Variants in SORT1 observed in about 807,000 individuals in gnomAD.
SORT1 encodes sortilin 1.
SORT1 carries 39 observed loss-of-function variants against 101.7 expected under a neutral mutation model. That is an observed-to-expected ratio of 0.38 (90% CI 0.30 to 0.50). The LOEUF is 0.50. SORT1 is among the 20% of genes least tolerant of loss of function. The probability of loss-of-function intolerance (pLI) is 0.90; values close to 1 mark genes in which losing one functional copy is unlikely to be tolerated. For synonymous variants in SORT1, 396 were observed against 393.7 expected (o/e 1.01, Z -0.07); for missense variants, 878 against 1,040.4 (o/e 0.84, Z 2.15).
chr1:109,326,516 CAT>C (rs1648073286), intron 13 of SORT1, among the ~76,000 whole-genome samples: 3 of 63,196 alleles, frequency 4.7e-5, no homozygotes, highest in African/African-American at 1.8e-4. Context: ...CACACATACA[CAT>C]ATATATACAC....
At chr1:109,391,779 T>C (rs953491469) in intron 1 of SORT1, among the ~76,000 whole-genome samples, 2 of 152,200 alleles carry the variant, frequency 1.3e-5, no homozygotes, top group African/African-American at 4.8e-5. Flanking sequence ...CTGACTGAAA[T>C]TGATCAGCTT....
At position 109,340,760 on chromosome 1, in the gene SORT1, G is replaced by A. The variant is rs564227982; in HGVS notation, c.1228C>T (p.Leu410Phe). The A allele has an allele frequency of 2.5e-6, 4 of 1,614,126 alleles. 1 individual carries two copies. In the South Asian group the frequency reaches 3.3e-5, roughly 13 times the overall value. ...ACGCTTGTTATGTAGACGCCGCGGA[G>A]GGAGGTCACGTTGGTAAAGTCCGTC... ...GETDFTNVTS[L>F]RGVYITSVLS... The change falls in exon 10 of 20, where the codon CTC (leucine) becomes TTC (phenylalanine). Residue 410 changes from leucine (L) to phenylalanine (F), a missense_variant. Coordinates refer to ENST00000256637, the MANE Select transcript of SORT1 (RefSeq NM_002959.7).
chr1:109,348,890 G>C (rs1649782693), intron 6 of SORT1, among the ~76,000 whole-genome samples: 1 of 152,042 alleles, frequency 6.6e-6, no homozygotes, highest in African/African-American at 2.4e-5. Context: ...GATCACTTGA[G>C]CCCAGGAGGC....
At chr1:109,316,996 A>G (rs765254817) in intron 16 of SORT1, 38 bp from the exon 17 acceptor site, 1 of 1,323,276 alleles carries the variant, frequency 7.6e-7, no homozygotes, top group Non-Finnish European at 1.1e-6. Flanking sequence ...GAAGATAAGG[A>G]TGTATTCCTG....
intron 19 of SORT1, 38 bp downstream of exon 19, chr1:109,314,220 TGGG>T: frequency 1.1e-5 from 15 of 1,313,856 alleles, no homozygotes; most frequent in Admixed American, 1.9e-5. Context: ...TTGTATTTTT[TGGG>T]GGGGGGGGTA....
intron 11 of SORT1, among the ~76,000 whole-genome samples, chr1:109,329,547 C>T (rs1648313576): frequency 6.6e-6 from 1 of 152,156 alleles, no homozygotes; most frequent in South Asian, 2.1e-4. Context: ...GCCACCATGT[C>T]CAGCCGGGGG....
intron 12 of SORT1, 66 bp from the exon 13 acceptor site, chr1:109,327,226 G>A (rs1033490381): frequency 1.3e-5 from 17 of 1,284,980 alleles, no homozygotes; most frequent in Middle Eastern, 2.0e-4. Context: ...TTACTCCAGA[G>A]AGAATAATGT....
At chr1:109,377,158 A>C (rs1015323627) in intron 1 of SORT1, among the ~76,000 whole-genome samples, 3 of 152,244 alleles carry the variant, frequency 2.0e-5, no homozygotes, top group Admixed American at 6.5e-5. Context: ...TTATATATAA[A>C]TGTAAACTAT....
intron 10 of SORT1, among the ~76,000 whole-genome samples, chr1:109,337,139 A>G (rs1648887204): frequency 6.6e-6 from 1 of 152,104 alleles, no homozygotes; most frequent in Non-Finnish European, 1.5e-5. Context: ...TCTTTCTTGT[A>G]CCTTTCTTTT....
At chr1:109,391,056 A>C (rs568854044) in intron 1 of SORT1, among the ~76,000 whole-genome samples, 2 of 152,270 alleles carry the variant, frequency 1.3e-5, no homozygotes, top group Admixed American at 1.3e-4. Flanking sequence ...GGAAAGGGAA[A>C]AAGAAAAATG....
chr1:109,356,246 T>G (rs1265322035), intron 3 of SORT1, among the ~76,000 whole-genome samples: 1 of 152,176 alleles, frequency 6.6e-6, no homozygotes, highest in Admixed American at 6.5e-5. Context: ...CCAGCGATGT[T>G]GCCAAACATC....
At chr1:109,324,099 G>T (rs569391329) in intron 14 of SORT1, among the ~76,000 whole-genome samples, 60 of 150,180 alleles carry the variant, frequency 4.0e-4, no homozygotes, top group South Asian at 1.1e-3. Context: ...TTAACTACAG[G>T]TCATCCTTTT....
At position 109,397,656 on chromosome 1, in the gene SORT1, C is replaced by T. The variant is rs1192123633; in HGVS notation, c.237G>A (p.Ala79=). The stretch of plus-strand genomic sequence containing the variant: ...GGCCGCACTCCTCGTCCTCGCCCGG[C>T]GCGCTGCGACGCCAACGGCCGCCGC... ...FPRGGRWRRS[A]PGEDEECGRV... Residue 79 remains alanine, a synonymous_variant, in exon 1 of 20, where the codon GCG becomes GCA. Coordinates refer to ENST00000256637, the MANE Select transcript of SORT1 (RefSeq NM_002959.7). 4 of 1,223,836 alleles carry T rather than the reference C, an allele frequency of 3.3e-6. No homozygotes were observed. In the African/African-American group the frequency reaches 4.9e-5, roughly 15 times the overall value. 75.8% of individuals were successfully genotyped at this position (1,223,836 alleles called of 1,614,324 possible). A position where few individuals can be genotyped will look rare whatever the true frequency, so the allele number is the denominator to read the frequency against.
At chr1:109,315,043 G>A (rs571412303) in intron 17 of SORT1, among the ~76,000 whole-genome samples, 1 of 152,218 alleles carries the variant, frequency 6.6e-6, no homozygotes, top group African/African-American at 2.4e-5. Context: ...TGGAAGCCTG[G>A]GCAACTGCCT....
chr1:109,346,019 T>C (rs1167934599), intron 7 of SORT1, 138 bp from the exon 8 acceptor site: 2 of 751,938 alleles, frequency 2.7e-6, no homozygotes, highest in African/African-American at 1.8e-5. Flanking sequence ...CAACATAAAA[T>C]GTGATACAGC....
intron 3 of SORT1, among the ~76,000 whole-genome samples, chr1:109,357,568 T>C (rs1650410047): frequency 6.6e-6 from 1 of 152,262 alleles, no homozygotes; most frequent in Non-Finnish European, 1.5e-5. Context: ...AACTTTTAAT[T>C]ATCTGTGAGG....
At chr1:109,382,298 G>C (rs183647994) in intron 1 of SORT1, among the ~76,000 whole-genome samples, 1 of 152,156 alleles carries the variant, frequency 6.6e-6, no homozygotes, top group Admixed American at 6.6e-5. Flanking sequence ...ACCATGCCTG[G>C]CTAATTTTTG....
At chr1:109,370,213 T>C (rs1557816423) in intron 1 of SORT1, among the ~76,000 whole-genome samples, 1 of 152,160 alleles carries the variant, frequency 6.6e-6, no homozygotes, top group Non-Finnish European at 1.5e-5. Context: ...GTATATTATA[T>C]CCAAAATATA....
intron 6 of SORT1, among the ~76,000 whole-genome samples, chr1:109,350,556 G>C (rs1649896525): frequency 6.6e-6 from 1 of 152,160 alleles, no homozygotes; most frequent in Non-Finnish European, 1.5e-5. Flanking sequence ...GACTGAAATG[G>C]AACTCTAGAC....
Sources: gnomAD v4.1 joint callset for allele counts (sites outside exome capture counted in the v4.1 genomes callset) on GRCh38, gnomAD v4.1.1 for gene constraint, MANE v1.5 for transcripts, NCBI Gene and HGNC (gene_info 2026-07-23, HGNC 2026-07-21) for gene names.